MEIKIN: variants seen among roughly 807,000 people sequenced by gnomAD.
MEIKIN encodes meiosis-specific kinetochore protein.
intron 8 of MEIKIN, among the ~76,000 whole-genome samples, chr5:131,879,409 T>C (rs984468260): frequency 1.2e-4 from 18 of 152,256 alleles, no homozygotes; most frequent in Non-Finnish European, 2.2e-4. Flanking sequence ...TTTTCTTTTT[T>C]TAAATTTCAA....
chr5:131,904,152 A>G (rs1357847463), intron 8 of MEIKIN, among the ~76,000 whole-genome samples: 1 of 152,194 alleles, frequency 6.6e-6, no homozygotes, highest in East Asian at 1.9e-4. Flanking sequence ...CTAACACAGG[A>G]GCACCCAGAT....
chr5:131,872,781 C>G (rs1189294413), intron 9 of MEIKIN, among the ~76,000 whole-genome samples: 18 of 152,250 alleles, frequency 1.2e-4, no homozygotes, highest in Admixed American at 3.9e-4. Context: ...GGAAGCCCAT[C>G]AGACTAACAG....
At chr5:131,816,104 T>C (rs1446241421) in intron 12 of MEIKIN, among the ~76,000 whole-genome samples, 1 of 152,182 alleles carries the variant, frequency 6.6e-6, no homozygotes, top group African/African-American at 2.4e-5. Flanking sequence ...GGGGAAAGGG[T>C]TAGCACATTT....
intron 1 of MEIKIN, 36 bp from the exon 2 acceptor site, chr5:131,945,285 T>A (rs924508302): frequency 1.0e-5 from 4 of 398,962 alleles, no homozygotes; most frequent in Non-Finnish European, 1.8e-5. Context: ...GCAAGAAACC[T>A]ACCCACCGGC....
At chr5:131,865,966 C>T (rs1035648805) in intron 9 of MEIKIN, among the ~76,000 whole-genome samples, 4 of 152,184 alleles carry the variant, frequency 2.6e-5, no homozygotes, top group African/African-American at 9.7e-5. Context: ...CAAGGCAGCA[C>T]AACCTGGCAT....
chr5:131,844,067 C>A (rs1487010586), intron 11 of MEIKIN, among the ~76,000 whole-genome samples: 2 of 151,946 alleles, frequency 1.3e-5, no homozygotes, highest in Non-Finnish European at 2.9e-5. Flanking sequence ...CTTCATGTGG[C>A]AACAGGAGAA....
chr5:131,871,751 T>G (rs1750505159), intron 9 of MEIKIN, among the ~76,000 whole-genome samples: 1 of 152,086 alleles, frequency 6.6e-6, no homozygotes, highest in Non-Finnish European at 1.5e-5. Context: ...CACCCCCCAG[T>G]AGGGGCGGAC....
intron 9 of MEIKIN, among the ~76,000 whole-genome samples, chr5:131,860,098 G>T (rs1027508423): frequency 2.6e-5 from 4 of 152,112 alleles, no homozygotes; most frequent in Admixed American, 6.5e-5. Context: ...AAACTACATT[G>T]ATATGTAGTT....
chr5:131,830,352 G>A (rs1561725162), intron 11 of MEIKIN, among the ~76,000 whole-genome samples: 1 of 152,156 alleles, frequency 6.6e-6, no homozygotes, highest in Non-Finnish European at 1.5e-5. Context: ...AGCCATTATC[G>A]TGCCACTGCA....
chr5:131,866,336 A>G (rs1487358621), intron 9 of MEIKIN, among the ~76,000 whole-genome samples: 1 of 152,140 alleles, frequency 6.6e-6, no homozygotes, highest in Non-Finnish European at 1.5e-5. Flanking sequence ...AGACCCCTGG[A>G]TAGTGTCCTT....
chr5:131,828,319 T>C (rs1401919324), intron 11 of MEIKIN, among the ~76,000 whole-genome samples: 2 of 152,082 alleles, frequency 1.3e-5, no homozygotes, highest in Non-Finnish European at 2.9e-5. Flanking sequence ...CACACCATCA[T>C]GCCCAGCTAA....
chr5:131,875,549 C>T (rs1472263872), intron 9 of MEIKIN, among the ~76,000 whole-genome samples: 4 of 151,930 alleles, frequency 2.6e-5, no homozygotes, highest in Non-Finnish European at 2.9e-5. Context: ...TAATCAATAT[C>T]GTGAAAATGG....
intron 5 of MEIKIN, among the ~76,000 whole-genome samples, chr5:131,926,931 T>C (rs780258376): frequency 1.3e-5 from 2 of 152,166 alleles, no homozygotes; most frequent in African/African-American, 2.4e-5. Flanking sequence ...TTTGTCAAAC[T>C]TGTCTTTTCA....
chr5:131,886,060 T>C (rs1033650928), intron 8 of MEIKIN, among the ~76,000 whole-genome samples: 1 of 152,156 alleles, frequency 6.6e-6, no homozygotes, highest in Non-Finnish European at 1.5e-5. Context: ...AGAATTGATC[T>C]AGCAGAAGAA....
chr5:131,835,331 G>A (rs1235364801), intron 11 of MEIKIN, among the ~76,000 whole-genome samples: 3 of 151,896 alleles, frequency 2.0e-5, no homozygotes, highest in African/African-American at 4.8e-5. Context: ...TATTCATCAC[G>A]TTGTTTTCTT....
chr5:131,888,077 T>C (rs1226679214), intron 8 of MEIKIN, among the ~76,000 whole-genome samples: 1 of 145,990 alleles, frequency 6.8e-6, no homozygotes, highest in East Asian at 2.0e-4. Flanking sequence ...CCATGGTATA[T>C]ATGCGCCACA....
At chr5:131,889,863 T>C (rs898885910) in intron 8 of MEIKIN, among the ~76,000 whole-genome samples, 12 of 152,128 alleles carry the variant, frequency 7.9e-5, no homozygotes, top group South Asian at 2.1e-4. Context: ...ATAGATAGCT[T>C]TTATTATTTT....
intron 12 of MEIKIN, among the ~76,000 whole-genome samples, chr5:131,818,341 C>A (rs536836637): frequency 2.0e-5 from 3 of 152,108 alleles, no homozygotes; most frequent in Non-Finnish European, 4.4e-5. Context: ...TAGTGCCATA[C>A]GCTAATTTTT....
At chr5:131,808,739 T>C (rs1298345618) in intron 12 of MEIKIN, among the ~76,000 whole-genome samples, 2 of 152,206 alleles carry the variant, frequency 1.3e-5, no homozygotes, top group Non-Finnish European at 1.5e-5. Context: ...TCATTTCTTT[T>C]TCTCAAATCA....
Sources: allele counts gnomAD v4.1 joint callset (sites outside exome capture counted in the v4.1 genomes callset), GRCh38; gene constraint gnomAD v4.1.1; transcripts MANE v1.5; gene names NCBI Gene and HGNC (gene_info 2026-07-23, HGNC 2026-07-21).